The following ROBO2 variants were observed in gnomAD, a reference collection of about 807,000 sequenced individuals.
ROBO2 encodes the protein roundabout homolog 2.
A neutral mutation model predicts 160.8 loss-of-function variants in ROBO2; 53 were observed. That is an observed-to-expected ratio of 0.33 (90% CI 0.26 to 0.41). The LOEUF is 0.41. Among genes scored for constraint, ROBO2 ranks in the 10% least tolerant of loss-of-function variants. ROBO2 has a pLI of 1.00. For synonymous variants in ROBO2, 664 were observed against 611.7 expected, an observed-to-expected ratio of 1.09 and a Z score of -1.26; for missense variants, 1,577 against 1,722.4, an observed-to-expected ratio of 0.92 and a Z score of 1.49.
chr3:77,393,435 GC>G (rs1403420113), intron 2 of ROBO2, among the ~76,000 whole-genome samples: 48 of 151,950 alleles, frequency 3.2e-4, no homozygotes, highest in African/African-American at 1.2e-3. Context: ...CATTGTATAT[GC>G]TAAAATGTTG....
chr3:76,559,751 A>G (rs2084044091), intron 2 of ROBO2, among the ~76,000 whole-genome samples: 1 of 152,150 alleles, frequency 6.6e-6, no homozygotes, highest in African/African-American at 2.4e-5. Context: ...GGAACAGGTG[A>G]TGTCATATGG....
intron 2 of ROBO2, among the ~76,000 whole-genome samples, chr3:76,265,223 C>T (rs1261040314): frequency 1.3e-5 from 2 of 152,080 alleles, no homozygotes; most frequent in Non-Finnish European, 2.9e-5. Flanking sequence ...CACCAACATT[C>T]TGCCTGCGAA....
chr3:75,935,038 A>C (rs926554072), intron 1 of ROBO2, among the ~76,000 whole-genome samples: 1 of 152,122 alleles, frequency 6.6e-6, no homozygotes. Flanking sequence ...AATTAAAAGA[A>C]TGTATATAGG....
At chr3:76,220,329 A>G (rs1177967038) in intron 2 of ROBO2, among the ~76,000 whole-genome samples, 1 of 151,862 alleles carries the variant, frequency 6.6e-6, no homozygotes, top group Non-Finnish European at 1.5e-5. Context: ...AAGTATAATA[A>G]TAATAATAAA....
chr3:76,075,512 A>G (rs144068732), intron 2 of ROBO2, among the ~76,000 whole-genome samples: 1 of 151,274 alleles, frequency 6.6e-6, no homozygotes, highest in African/African-American at 2.4e-5. Flanking sequence ...CCATATAACA[A>G]GTGTCAAAAA....
chr3:77,130,709 G>A (rs988896543), intron 2 of ROBO2, among the ~76,000 whole-genome samples: 2 of 152,030 alleles, frequency 1.3e-5, no homozygotes, highest in Non-Finnish European at 2.9e-5. Context: ...TTATTGATAC[G>A]TACTTCAATG....
chr3:76,352,271 A>G (rs1020749932), intron 2 of ROBO2, among the ~76,000 whole-genome samples: 1 of 151,976 alleles, frequency 6.6e-6, no homozygotes, highest in Admixed American at 6.6e-5. Flanking sequence ...GGAAAAAACT[A>G]CTTCCTCAAG....
intron 2 of ROBO2, among the ~76,000 whole-genome samples, chr3:76,241,214 T>A (rs1705262468): frequency 6.6e-6 from 1 of 152,236 alleles, no homozygotes; most frequent in Admixed American, 6.5e-5. Flanking sequence ...TTAACTCTGT[T>A]ATTGAATAAC....
chr3:77,408,141 T>C (rs913610465), intron 2 of ROBO2, among the ~76,000 whole-genome samples: 2 of 152,084 alleles, frequency 1.3e-5, no homozygotes, highest in Admixed American at 6.6e-5. Context: ...TGAACTGCAT[T>C]TAGGTATTTT....
intron 2 of ROBO2, among the ~76,000 whole-genome samples, chr3:76,777,264 T>C: frequency 6.6e-6 from 1 of 151,072 alleles, no homozygotes; most frequent in East Asian, 2.0e-4. Context: ...CACAAAGGAG[T>C]TGAACACTCT....
chr3:76,973,918 A>T (rs2059691150), intron 2 of ROBO2, among the ~76,000 whole-genome samples: 2 of 152,102 alleles, frequency 1.3e-5, no homozygotes, highest in Admixed American at 1.3e-4. Context: ...ACAGGTGGGG[A>T]TGGGTGATAA....
chr3:75,978,154 T>C (rs1344190315), intron 2 of ROBO2, among the ~76,000 whole-genome samples: 1 of 151,542 alleles, frequency 6.6e-6, no homozygotes, highest in Non-Finnish European at 1.5e-5. Context: ...TAGAGAATTA[T>C]AGTAACACTT....
At chr3:77,263,045 G>T (rs1408554673) in intron 2 of ROBO2, among the ~76,000 whole-genome samples, 1 of 152,118 alleles carries the variant, frequency 6.6e-6, no homozygotes, top group Non-Finnish European at 1.5e-5. Flanking sequence ...CTAAATGCAA[G>T]ATTCTGTTTT....
At chr3:77,550,276 CTT>C (rs1176159051) in intron 7 of ROBO2, among the ~76,000 whole-genome samples, 4 of 152,020 alleles carry the variant, frequency 2.6e-5, no homozygotes, top group Non-Finnish European at 5.9e-5. Flanking sequence ...GCTGCAAAAA[CTT>C]TACAGCAGAA....
chr3:75,994,612 C>A (rs773191075), intron 2 of ROBO2, among the ~76,000 whole-genome samples: 10 of 152,176 alleles, frequency 6.6e-5, no homozygotes, highest in Admixed American at 2.0e-4. Context: ...AATGAAATAT[C>A]TTTTCTTTAC....
chr3:77,452,264 G>A (rs999757053), intron 2 of ROBO2, among the ~76,000 whole-genome samples: 1 of 152,158 alleles, frequency 6.6e-6, no homozygotes, highest in Non-Finnish European at 1.5e-5. Context: ...GCAGAAGAGT[G>A]AGATGTTCAC....
At chr3:76,659,852 T>G (rs1394514630) in intron 2 of ROBO2, among the ~76,000 whole-genome samples, 1 of 152,180 alleles carries the variant, frequency 6.6e-6, no homozygotes, top group Non-Finnish European at 1.5e-5. Flanking sequence ...GGGTGTGTCC[T>G]GTCTTAGATG....
chr3:76,664,668 C>A (rs1299064837), intron 2 of ROBO2, among the ~76,000 whole-genome samples: 2 of 152,144 alleles, frequency 1.3e-5, no homozygotes, highest in East Asian at 3.9e-4. Flanking sequence ...TGAAATAAAA[C>A]TTTCTTAAGG....
chr3:77,575,114 C>A (rs1329602135), intron 14 of ROBO2, among the ~76,000 whole-genome samples: 2 of 152,028 alleles, frequency 1.3e-5, no homozygotes, highest in Non-Finnish European at 2.9e-5. Context: ...GTGACATTTT[C>A]TTTTATTAGC....
Sources: allele counts gnomAD v4.1 joint callset (sites outside exome capture counted in the v4.1 genomes callset), GRCh38; gene constraint gnomAD v4.1.1; transcripts MANE v1.5; gene names NCBI Gene and HGNC (gene_info 2026-07-23, HGNC 2026-07-21).